Variants in TLDC2 observed in about 807,000 individuals in gnomAD.
TLDC2 encodes the protein TBC/LysM-associated domain containing 2.
TLDC2 carries 23 observed loss-of-function variants against 27.9 expected under a neutral mutation model. That is an observed-to-expected ratio of 0.82 (90% CI 0.59 to 1.17). The LOEUF (loss-of-function observed/expected upper bound fraction) is 1.17. Among genes scored for constraint, TLDC2 ranks in the 50% most tolerant of loss-of-function variants. TLDC2 has a pLI of 0.00. For synonymous variants in TLDC2, 124 were observed against 107.4 expected, an observed-to-expected ratio of 1.16 and a Z score of -0.96; for missense variants, 286 against 273.4, an observed-to-expected ratio of 1.05 and a Z score of -0.32.
chr20:36,890,084 C>A (rs557825951), intron 6 of TLDC2: 4 of 152,280 alleles, frequency 2.6e-5, no homozygotes, highest in South Asian at 4.1e-4. Flanking sequence ...AATGTTGAGG[C>A]CTTTTTGTCT....
intron 4 of TLDC2, among the ~76,000 whole-genome samples, chr20:36,881,734 A>G (rs1194804588): frequency 6.6e-6 from 1 of 151,850 alleles, no homozygotes; most frequent in Non-Finnish European, 1.5e-5. Flanking sequence ...GGGAGGGGAG[A>G]GAAGCGGGGG....
At chr20:36,880,511 G>A in intron 3 of TLDC2, 144 bp from the exon 4 acceptor site, 1 of 629,628 alleles carries the variant, frequency 1.6e-6, no homozygotes, top group South Asian at 1.9e-5. Flanking sequence ...CCTGCTCTTG[G>A]GTGTGGAGCC....
Position 36,880,073 on chromosome 20 carries a change from A to ATATATATATATATATATG in TLDC2, c.343-565_343-564insGTATATATATATATATAT, listed in dbSNP as rs1555828528. Among the ~76,000 whole-genome samples, 345 of 40,550 alleles carry ATATATATATATATATATG rather than the reference A, an allele frequency of 8.5e-3. 6 individuals carry two copies. The highest frequency in any genetic ancestry group is 0.02 in the African/African-American group (335 of 16,602). 26.6% of individuals were successfully genotyped at this position (40,550 alleles called of 152,430 possible). On this transcript the variant is annotated intron_variant, in intron 3 of 6. Transcript: ENST00000217320. ...ACTTGTGTAGAATATATATATACAT[A>ATATATATATATATATATG]TATATATATATATATATATATATAT...
chr20:36,884,843 C>A (rs1022004025), intron 4 of TLDC2, among the ~76,000 whole-genome samples: 2 of 151,510 alleles, frequency 1.3e-5, no homozygotes, highest in East Asian at 1.9e-4. Flanking sequence ...TCCTTCTCCC[C>A]CTAGCGTTTG....
chr20:36,892,170 G>A (rs989025724), intron 6 of TLDC2: 1 of 152,562 alleles, frequency 6.6e-6, no homozygotes, highest in African/African-American at 2.4e-5. Flanking sequence ...CTCACGAAGA[G>A]GCCAGAGCTC....
At chr20:36,890,080 G>A (rs896754054) in intron 6 of TLDC2, 4 of 152,320 alleles carry the variant, frequency 2.6e-5, no homozygotes, top group Middle Eastern at 3.4e-3. Flanking sequence ...GCAGAATGTT[G>A]AGGCCTTTTT....
At chr20:36,878,408 C>CG in intron 2 of TLDC2, among the ~76,000 whole-genome samples, 1 of 152,122 alleles carries the variant, frequency 6.6e-6, no homozygotes, top group African/African-American at 2.4e-5. Context: ...TGGCAAAACC[C>CG]TGTCTCTACT....
At position 36,885,301 on chromosome 20, in the gene TLDC2, G is replaced by A. The variant is rs549364367; in HGVS notation, c.439-2154G>A. Among the ~76,000 whole-genome samples the A allele has an allele frequency of 4.6e-5, 7 of 152,224 alleles. No homozygotes were observed. In the East Asian group the frequency reaches 1.2e-3, roughly 25 times the overall value. The stretch of plus-strand genomic sequence containing the variant: ...CCTGAAAATAGTGCCTGGTGCATAA[G>A]TGCTTTAAAAAAAAATTGTTGAATG... On this transcript the variant is annotated intron_variant, in intron 4 of 6. Transcript: ENST00000217320.
At chr20:36,878,289 A>G (rs946012838) in intron 2 of TLDC2, among the ~76,000 whole-genome samples, 1 of 152,180 alleles carries the variant, frequency 6.6e-6, no homozygotes, top group Non-Finnish European at 1.5e-5. Context: ...GGAGGTAAAG[A>G]AAGAGGCTAG....
rs763023570 is a variant in TLDC2, at chr20:36,876,235, C to T, written c.33+28C>T. On this transcript the variant is annotated intron_variant, in intron 1 of 6. Transcript: ENST00000217320. ...AAGGGTTCCAACTCCGTCTGTGGTG[C>T]AGGTTGGGAGGTGAAAGGAGGTGAG... is the stretch of plus-strand genomic sequence containing the variant. 3 of 1,614,054 alleles carry T rather than the reference C, an allele frequency of 1.9e-6. 1 individual carries two copies. In the South Asian group the frequency reaches 3.3e-5, roughly 18 times the overall value.
At position 36,894,224 on chromosome 20, in the gene TLDC2, G is replaced by A. The variant is rs1400212511; in HGVS notation, c.*1380G>A. ...TGACTTGATAGAACTATTAAAAATA[G>A]TTTTTAAAAAATGTGTTATTATTTT... On this transcript the variant is annotated 3_prime_UTR_variant, in exon 7 of 7. Transcript: ENST00000217320. 3.3e-6 allele frequency: 1 copy of A among 303,284 alleles called. No homozygotes were observed. The allele number at this position is 303,284 out of a possible 1,614,324, so 18.8% of individuals were successfully genotyped here.
intron 1 of TLDC2, among the ~76,000 whole-genome samples, chr20:36,877,264 C>T (rs1440135976): frequency 6.6e-6 from 1 of 151,742 alleles, no homozygotes; most frequent in African/African-American, 2.4e-5. Flanking sequence ...ACCTGTCATC[C>T]CAGCTATTTG....
chr20:36,880,060 T>C (rs1169833631), intron 3 of TLDC2, among the ~76,000 whole-genome samples: 1 of 99,300 alleles, frequency 1.0e-5, no homozygotes, highest in African/African-American at 3.9e-5. Flanking sequence ...TTGTGTAGAA[T>C]ATATATATAC....
chr20:36,877,763 C>G, intron 1 of TLDC2, 136 bp from the exon 2 acceptor site: 5 of 1,036,164 alleles, frequency 4.8e-6, no homozygotes, highest in Non-Finnish European at 5.6e-6. Flanking sequence ...CCCCAACTAC[C>G]CTGGGCTGGG....
At position 36,893,664 on chromosome 20, in the gene TLDC2, T is replaced by G. The variant is rs1310364499; in HGVS notation, c.*820T>G. On this transcript the variant is annotated 3_prime_UTR_variant, in exon 7 of 7. Transcript: ENST00000217320. ...GAAGCAAGGCCTCCTAATACTTGAC[T>G]CTATGCTAAACTGTTCTGAACTTGT... The G allele has an allele frequency of 5.2e-6, 2 of 387,576 alleles. No homozygotes were observed. The allele number at this position is 387,576 out of a possible 1,614,324, so 24.0% of individuals were successfully genotyped here.
chr20:36,889,201 G>C, intron 5 of TLDC2, 50 bp from the exon 6 acceptor site: 1 of 1,595,160 alleles, frequency 6.3e-7, no homozygotes. Context: ...GAGCCTGGGG[G>C]TTTCAGCACA....
Position 36,889,358 on chromosome 20 carries a change from A to G in TLDC2, c.620A>G (p.Gln207Arg), listed in dbSNP as rs750960734. 6 of 1,614,130 alleles carry G rather than the reference A, an allele frequency of 3.7e-6. No individual in the cohort carries two copies. The highest frequency in any genetic ancestry group is 4.2e-6 in the Non-Finnish European group (5 of 1,180,018). The change falls in exon 6 of 7, where the codon CAG (glutamine) becomes CGG (arginine). Residue 207 changes from glutamine (Q) to arginine (R), a missense_variant. Physicochemically the swap from Gln to Arg is conservative, Grantham distance 43. Coordinates refer to ENST00000217320, the MANE Select transcript of TLDC2 (RefSeq NM_080628.3). ...GCCCGGCAGGAGCAGTTCTGCATCC[A>G]GGAGCTGGAGGCTTGGCTTCTCAGC... The part of the protein sequence containing the change: ...VLARQEQFCI[Q>R]ELEAWLLS
chr20:36,877,424 A>G lies in TLDC2; in HGVS notation c.34-475A>G, dbSNP rs1229004856. Among the ~76,000 whole-genome samples the G allele has an allele frequency of 2.6e-5, 4 of 151,960 alleles. No individual in the cohort carries two copies. In the East Asian group the frequency reaches 7.7e-4, roughly 29 times the overall value. On this transcript the variant is annotated intron_variant, in intron 1 of 6. Transcript: ENST00000217320. ...AAAAAGAAAAAAGAAGAAGAAACAC[A>G]CAGAGATCACAGACAGTGCACACTG...
intron 1 of TLDC2, 122 bp from the exon 2 acceptor site, chr20:36,877,777 G>A: frequency 8.6e-7 from 1 of 1,160,912 alleles, no homozygotes; most frequent in Admixed American, 2.3e-5. Flanking sequence ...GGCTGGGCTG[G>A]GGGTTACAGG....
Sources: allele counts gnomAD v4.1 joint callset (sites outside exome capture counted in the v4.1 genomes callset), GRCh38; gene constraint gnomAD v4.1.1; transcripts MANE v1.5; gene names NCBI Gene and HGNC (gene_info 2026-07-23, HGNC 2026-07-21).